Variants in TENM3 observed in about 807,000 individuals in gnomAD.
TENM3 encodes the protein teneurin transmembrane protein 3.
Under a neutral mutation model 255.1 loss-of-function variants are expected in TENM3, and 63 were observed. The observed-to-expected ratio is 0.25, with a 90% CI of 0.20 to 0.30. The LOEUF (loss-of-function observed/expected upper bound fraction) is 0.30, where lower values mean the gene tolerates loss of function less well. Among genes scored for constraint, TENM3 ranks in the 10% least tolerant of loss-of-function variants. The pLI, the probability that TENM3 is intolerant of heterozygous loss-of-function variation, is 1.00. For missense variants in TENM3, 2,929 were observed against 3,461.1 expected, an observed-to-expected ratio of 0.85 and a Z score of 3.86; for synonymous variants, 1,306 against 1,322.3, an observed-to-expected ratio of 0.99 and a Z score of 0.27.
chr4:182,758,019 C>T (rs918324347), intron 22 of TENM3, among the ~76,000 whole-genome samples: 2 of 151,928 alleles, frequency 1.3e-5, no homozygotes, highest in African/African-American at 4.8e-5. Flanking sequence ...TTTAACAAAC[C>T]AGTGTTTAAA....
chr4:182,317,717 AT>A (rs1348264330), intron 1 of TENM3, among the ~76,000 whole-genome samples: 2 of 149,722 alleles, frequency 1.3e-5, no homozygotes, highest in Admixed American at 6.7e-5. Context: ...ACTACCAAAA[AT>A]ATATATATAT....
In TENM3 at chr4:182,628,623, CTTATAATGATAT is replaced by C; in HGVS notation, c.750-26_750-15del. 7.2e-7 allele frequency: 1 copy of C among 1,390,518 alleles called. No homozygotes were observed. 86.1% of individuals were successfully genotyped at this position (1,390,518 alleles called of 1,614,324 possible). ...CTCTTGTATCGTAACATATTTGTAT[CTTATAATGATAT>C]TCTCCTTTTCCACAGGCATTTCCTA... On this transcript the variant is annotated splice_polypyrimidine_tract_variant and intron_variant, in intron 4 of 27. Transcript: ENST00000511685.
At chr4:181,944,901 T>C in the TENM3 span, among the ~76,000 whole-genome samples, 1 of 151,946 alleles carries the variant, frequency 6.6e-6, no homozygotes, top group East Asian at 2.0e-4. Context: ...AGAAGCCTAA[T>C]TGCAAAACTA....
chr4:181,876,815 G>T, the TENM3 span, among the ~76,000 whole-genome samples: 3 of 151,860 alleles, frequency 2.0e-5, no homozygotes, highest in Non-Finnish European at 4.4e-5. Flanking sequence ...AAAAGTTTTA[G>T]GATTTCAGAT....
At chr4:181,709,771 G>A in the TENM3 span, among the ~76,000 whole-genome samples, 3 of 152,330 alleles carry the variant, frequency 2.0e-5, no homozygotes, top group Admixed American at 6.5e-5. Context: ...GCGCAGATAA[G>A]GTGGAAAGTG....
chr4:181,931,430 G>C, the TENM3 span, among the ~76,000 whole-genome samples: 1 of 151,976 alleles, frequency 6.6e-6, no homozygotes, highest in African/African-American at 2.4e-5. Context: ...TACAAAGAGA[G>C]TAAAATACCT....
intron 1 of TENM3, among the ~76,000 whole-genome samples, chr4:182,249,878 C>G (rs569526980): frequency 6.6e-6 from 1 of 151,920 alleles, no homozygotes. Context: ...GATCCTCCAC[C>G]CAGCCTCCCG....
intron 24 of TENM3, among the ~76,000 whole-genome samples, chr4:182,777,547 C>CTTTTTTTTTTTTT (rs1157448732): frequency 1.1e-4 from 5 of 45,468 alleles, no homozygotes; most frequent in African/African-American, 2.6e-4. Flanking sequence ...GTGTGTATTT[C>CTTTTTTTTTTTTT]TTTTTTTTTT....
the TENM3 span, among the ~76,000 whole-genome samples, chr4:181,725,696 C>A: frequency 6.6e-6 from 1 of 152,066 alleles, no homozygotes; most frequent in African/African-American, 2.4e-5. Context: ...CCCATCTCGG[C>A]CTCTCAAAAT....
At chr4:181,729,612 TG>T in the TENM3 span, among the ~76,000 whole-genome samples, 1 of 152,190 alleles carries the variant, frequency 6.6e-6, no homozygotes, top group East Asian at 1.9e-4. Context: ...ACCCCAAATT[TG>T]GTATGTTAAA....
At chr4:181,723,118 A>C in the TENM3 span, among the ~76,000 whole-genome samples, 17 of 152,036 alleles carry the variant, frequency 1.1e-4, no homozygotes, top group Non-Finnish European at 1.9e-4. Flanking sequence ...TGTCATCAGC[A>C]AATCGTCAAG....
chr4:182,779,216 C>A (rs1004798966), intron 24 of TENM3, among the ~76,000 whole-genome samples: 1 of 151,514 alleles, frequency 6.6e-6, no homozygotes, highest in Admixed American at 6.6e-5. Flanking sequence ...GCTCCCCCCA[C>A]CCCACAACAG....
intron 6 of TENM3, among the ~76,000 whole-genome samples, chr4:182,664,438 A>G (rs932570790): frequency 6.6e-6 from 1 of 152,072 alleles, no homozygotes; most frequent in Non-Finnish European, 1.5e-5. Context: ...GGACCTCCCT[A>G]TTTCCTGAGA....
At chr4:181,803,939 C>CAAAAAAAAAAA in the TENM3 span, among the ~76,000 whole-genome samples, 1 of 117,560 alleles carries the variant, frequency 8.5e-6, no homozygotes, top group Admixed American at 9.7e-5. Flanking sequence ...ATTATCTCAA[C>CAAAAAAAAAAA]AAAAAAAAAA....
At chr4:182,710,697 A>T (rs1194458552) in intron 12 of TENM3, among the ~76,000 whole-genome samples, 2 of 152,216 alleles carry the variant, frequency 1.3e-5, no homozygotes, top group Non-Finnish European at 1.5e-5. Context: ...TGCATATGTC[A>T]GCAGTGAAAA....
At chr4:181,640,812 C>T in the TENM3 span, among the ~76,000 whole-genome samples, 4 of 152,184 alleles carry the variant, frequency 2.6e-5, no homozygotes, top group Admixed American at 2.6e-4. Flanking sequence ...CAGTCCTCTA[C>T]CAAAAGCCTG....
chr4:181,818,214 A>G, the TENM3 span, among the ~76,000 whole-genome samples: 1 of 152,190 alleles, frequency 6.6e-6, no homozygotes, highest in African/African-American at 2.4e-5. Context: ...CTCAAATTCT[A>G]TTCTAGGTGT....
intron 1 of TENM3, among the ~76,000 whole-genome samples, chr4:182,161,699 GTA>G (rs1210818013): frequency 2.2e-5 from 2 of 91,328 alleles, no homozygotes; most frequent in African/African-American, 9.9e-5. Flanking sequence ...AAATATATAT[GTA>G]TATATATACA....
chr4:181,807,304 C>T, the TENM3 span, among the ~76,000 whole-genome samples: 287 of 152,288 alleles, frequency 1.9e-3, 1 homozygote, highest in African/African-American at 6.6e-3. Flanking sequence ...AAAGAAATAA[C>T]GTATTAAATG....
Sources: gnomAD v4.1 joint callset for allele counts (sites outside exome capture counted in the v4.1 genomes callset) on GRCh38, gnomAD v4.1.1 for gene constraint, MANE v1.5 for transcripts, NCBI Gene and HGNC (gene_info 2026-07-23, HGNC 2026-07-21) for gene names.